The following GUSB variants were observed in gnomAD, a reference collection of about 807,000 sequenced individuals.
GUSB encodes the protein glucuronidase beta.
Under a neutral mutation model 74.6 loss-of-function variants are expected in GUSB, and 51 were observed. That is an observed-to-expected ratio of 0.68 (90% CI 0.55 to 0.86). GUSB has a LOEUF of 0.86. GUSB is among the 40% of genes least tolerant of loss of function. The pLI, the probability that GUSB is intolerant of heterozygous loss-of-function variation, is 0.00. For missense variants in GUSB, 736 were observed against 853.7 expected (o/e 0.86, Z 1.72); for synonymous variants, 360 against 348.3 (o/e 1.03, Z -0.37).
rs774393243 is a variant in GUSB, at chr7:65,970,329, G to A, written c.1429C>T (p.Arg477Trp). The part of the protein sequence containing the change: ...IAHTKSLDPS[R>W]PVTFVSNSNY... ...GAGTTGCTCACAAAGGTCACAGGCC[G>A]GGAGGGGTCCAAGGATTTGGTGTGA... The change falls in exon 9 of 12, where the codon CGG becomes TGG. Residue 477 changes from arginine (R) to tryptophan (W), a missense_variant. By Grantham distance (101) the Arg-to-Trp change is moderately radical (BLOSUM62 -3). Around this residue, in one of 2 missense-constraint regions of GUSB, gnomAD observed 368 missense variants for 489.9 expected, o/e 0.75. Coordinates refer to ENST00000304895, the MANE Select transcript of GUSB (RefSeq NM_000181.4). 11 of 1,613,326 alleles carry A rather than the reference G, an allele frequency of 6.8e-6. No homozygotes were observed. Among genetic ancestry groups the A allele is most frequent in the Admixed American group, 1.7e-5 (1 of 59,976 alleles).
chr7:65,966,419 A>G (rs1790839374), intron 10 of GUSB, among the ~76,000 whole-genome samples: 1 of 151,988 alleles, frequency 6.6e-6, no homozygotes. Context: ...GGGGTTCAGG[A>G]ATCCACAGGA....
At chr7:65,980,184 T>TCCCCCCCCCCCCCCCCCC in intron 2 of GUSB, 40 bp downstream of exon 2, 2 of 720,098 alleles carry the variant, frequency 2.8e-6, no homozygotes, top group South Asian at 1.6e-5. Flanking sequence ...TCAGCAGCCG[T>TCCCCCCCCCCCCCCCCCC]GCCCCCCCAC....
At chr7:65,977,016 G>A (rs945467370) in intron 4 of GUSB, among the ~76,000 whole-genome samples, 4 of 151,934 alleles carry the variant, frequency 2.6e-5, no homozygotes, top group Admixed American at 2.0e-4. Context: ...ACCAGAGGAC[G>A]GCCCAGAACG....
rs143366340 is a variant in GUSB, at chr7:65,966,148, C to T, written c.1653+1583G>A. Reference sequence around the variant, plus strand: ...TCGCGCCACTGCACTCCAGCCTAGGCAACGAGAGCGAAACTCTGTGTCAAA... The same window carrying T: ...TCGCGCCACTGCACTCCAGCCTAGGTAACGAGAGCGAAACTCTGTGTCAAA... On this transcript the variant is annotated intron_variant, in intron 10 of 11. Transcript: ENST00000304895. Among the ~76,000 whole-genome samples the T allele has an allele frequency of 1.9e-3, 286 of 150,804 alleles. 1 individual carries two copies. Among genetic ancestry groups the T allele is most frequent in the African/African-American group, 6.2e-3 (255 of 40,996 alleles).
At chr7:65,976,952 G>A (rs1465889251) in intron 4 of GUSB, among the ~76,000 whole-genome samples, 3 of 151,798 alleles carry the variant, frequency 2.0e-5, no homozygotes, top group Admixed American at 2.0e-4. Flanking sequence ...TGCCAACCAC[G>A]GCACTGAGAC....
chr7:65,974,218 A>G (rs1350823831), intron 8 of GUSB, 77 bp downstream of exon 8: 2 of 1,428,720 alleles, frequency 1.4e-6, no homozygotes, highest in Admixed American at 1.7e-5. Context: ...GATCTTGAAC[A>G]GCACATGCCC....
chr7:65,967,820 C>T lies in GUSB; in HGVS notation c.1564G>A (p.Ala522Thr). 1 of 1,610,338 alleles carries T rather than the reference C, an allele frequency of 6.2e-7. No homozygotes were observed. ...TTATACCAGTTCTCAAACTGGGTGGCCAGCTGCAGCTGAATCAACTCCAGG... is the reference window on the plus strand; with the variant it reads ...TTATACCAGTTCTCAAACTGGGTGGTCAGCTGCAGCTGAATCAACTCCAGG... Reference protein sequence around the residue: ...GHLELIQLQLATQFENWYKKY... With the variant: ...GHLELIQLQLTTQFENWYKKY... The change falls in exon 10 of 12, where the codon GCC (alanine) becomes ACC (threonine). Residue 522 changes from alanine to threonine, a missense_variant. By Grantham distance (58) the Ala-to-Thr change is moderately conservative. Transcript: ENST00000304895.
intron 1 of GUSB, 130 bp downstream of exon 1, chr7:65,981,844 C>T: frequency 2.5e-6 from 2 of 815,320 alleles, no homozygotes; most frequent in Non-Finnish European, 3.7e-6. Flanking sequence ...CCCCCAAGCC[C>T]GTTGACCTTT....
chr7:65,973,284 C>T (rs1423226762), intron 8 of GUSB, among the ~76,000 whole-genome samples: 5 of 152,092 alleles, frequency 3.3e-5, no homozygotes, highest in African/African-American at 1.2e-4. Context: ...GAAACCCCGT[C>T]TCTACTGAAA....
chr7:65,966,891 G>A (rs182722837), intron 10 of GUSB, among the ~76,000 whole-genome samples: 14 of 152,254 alleles, frequency 9.2e-5, no homozygotes, highest in African/African-American at 3.4e-4. Context: ...AGACCAGCCT[G>A]GACAACATAG....
At chr7:65,978,594 C>T (rs1448049459) in intron 4 of GUSB, among the ~76,000 whole-genome samples, 1 of 151,486 alleles carries the variant, frequency 6.6e-6, no homozygotes, top group Non-Finnish European at 1.5e-5. Flanking sequence ...AGAGTGAAAC[C>T]CTGTCTCTAC....
At chr7:65,964,249 A>G in intron 11 of GUSB, 74 bp downstream of exon 11, 1 of 1,259,818 alleles carries the variant, frequency 7.9e-7, no homozygotes, top group East Asian at 2.3e-5. Flanking sequence ...TACAATTGAA[A>G]TGGCCAGAAT....
At chr7:65,975,120 C>T in intron 5 of GUSB, 49 bp from the exon 6 acceptor site, 1 of 1,587,850 alleles carries the variant, frequency 6.3e-7, no homozygotes, top group Non-Finnish European at 8.6e-7. Context: ...GCCTGAGCCC[C>T]ATCCGGCCTG....
chr7:65,964,874 G>A (rs1279184072), intron 10 of GUSB, among the ~76,000 whole-genome samples: 1 of 151,668 alleles, frequency 6.6e-6, no homozygotes, highest in African/African-American at 2.4e-5. Flanking sequence ...TTCAAGACCA[G>A]CCTGGGCAAC....
intron 4 of GUSB, among the ~76,000 whole-genome samples, chr7:65,977,302 G>A (rs966261613): frequency 1.3e-5 from 2 of 152,076 alleles, no homozygotes; most frequent in Non-Finnish European, 2.9e-5. Context: ...TCAACCTCCT[G>A]AGTAGCCGGG....
chr7:65,966,157 C>T (rs1453461864), intron 10 of GUSB, among the ~76,000 whole-genome samples: 8 of 150,222 alleles, frequency 5.3e-5, no homozygotes, highest in South Asian at 2.1e-4. Flanking sequence ...GCAACGAGAG[C>T]GAAACTCTGT....
rs1330912761 is a variant in GUSB at position 65,981,985 on chromosome 7, G to A, written c.199C>T (p.Pro67Ser). The change falls in exon 1 of 12, where the codon CCG (proline) becomes TCG (serine). Residue 67 changes from proline (P) to serine (S), a missense_variant. Coordinates refer to ENST00000304895, the MANE Select transcript of GUSB (RefSeq NM_000181.4). ...CCCCGAGATCGCACCTCCCACAGCGGCCGCCGGTACCACTGCTCCTCGAAG... is the reference window on the plus strand; with the variant it reads ...CCCCGAGATCGCACCTCCCACAGCGACCGCCGGTACCACTGCTCCTCGAAG... ...RGFEEQWYRR[P>S]LWESGPTVDM... The A allele has an allele frequency of 1.2e-6, 2 of 1,607,138 alleles. No individual in the cohort carries two copies. The highest frequency in any genetic ancestry group is 1.7e-6 in the Non-Finnish European group (2 of 1,178,778).
intron 11 of GUSB, among the ~76,000 whole-genome samples, chr7:65,963,223 C>T (rs13228566): frequency 0.029 from 4,483 of 152,190 alleles, 90 homozygotes; most frequent in Admixed American, 0.051. Context: ...GGGATGTCCC[C>T]AGAAACCATT....
intron 11 of GUSB, 99 bp from the exon 12 acceptor site, chr7:65,961,162 C>A: frequency 3.5e-6 from 4 of 1,153,692 alleles, no homozygotes; most frequent in South Asian, 1.3e-5. Flanking sequence ...ATAGAAATGT[C>A]TTTTTTTTTC....
Sources: allele counts gnomAD v4.1 joint callset (sites outside exome capture counted in the v4.1 genomes callset), GRCh38; gene constraint gnomAD v4.1.1; regional missense constraint gnomAD v4.1.1; transcripts MANE v1.5; gene names NCBI Gene and HGNC (gene_info 2026-07-23, HGNC 2026-07-21).